CDK15: variants seen among roughly 807,000 people sequenced by gnomAD.
CDK15 encodes cyclin-dependent kinase 15.
In CDK15, 62 loss-of-function variants were observed where a neutral mutation model predicts 60.3. The observed-to-expected ratio is 1.03, with a 90% confidence interval of 0.84 to 1.27. The LOEUF is 1.27. Among genes scored for constraint, CDK15 ranks in the 50% most tolerant of loss-of-function variants. The pLI is 0.00. For synonymous variants in CDK15, 194 were observed against 195.7 expected, an observed-to-expected ratio of 0.99 and a Z score of 0.07; for missense variants, 541 against 527.8, an observed-to-expected ratio of 1.03 and a Z score of -0.25.
chr2:201,837,321 G>GAGAA (rs1553524457), intron 8 of CDK15, among the ~76,000 whole-genome samples: 2 of 140,092 alleles, frequency 1.4e-5, no homozygotes, highest in African/African-American at 2.6e-5. Flanking sequence ...GAGAGAGAGA[G>GAGAA]AGAAAGAAAG....
intron 10 of CDK15, chr2:201,861,551 G>GTTTTTTTTTTTTGTTTTTTTTTT (rs1698392290): frequency 1.6e-6 from 1 of 627,234 alleles, no homozygotes; most frequent in African/African-American, 2.5e-5. Context: ...TTGTTGGTTT[G>GTTTTTTTTTTTTGTTTTTTTTTT]TTTTTTTTTT....
chr2:201,879,917 C>T, intron 11 of CDK15, 111 bp from the exon 12 acceptor site: 1 of 1,387,336 alleles, frequency 7.2e-7, no homozygotes, highest in Non-Finnish European at 9.6e-7. Flanking sequence ...GAAAATTCTA[C>T]TTAAAATCTA....
intron 10 of CDK15, among the ~76,000 whole-genome samples, chr2:201,870,067 G>C (rs1698797195): frequency 6.6e-6 from 1 of 152,208 alleles, no homozygotes; most frequent in African/African-American, 2.4e-5. Flanking sequence ...GATTGCGCCT[G>C]ACCTTGAAAA....
chr2:201,874,392 T>C (rs1274823741), intron 11 of CDK15, among the ~76,000 whole-genome samples: 1 of 152,214 alleles, frequency 6.6e-6, no homozygotes, highest in African/African-American at 2.4e-5. Flanking sequence ...ATGGGATATA[T>C]ACTATGTACC....
Position 201,807,511 on chromosome 2 carries a change from A to G in CDK15, c.141A>G (p.Glu47=), listed in dbSNP as rs1695564689. Residue 47 remains glutamate (E), a synonymous_variant, in exon 2 of 14, where the codon GAA becomes GAG. Transcript: ENST00000652192. ...EAAFKLTDLK[E]ASCSMTSFHP... is the part of the protein sequence containing the mutation. ...TTCTCTAGCTAACAGACCTAAAAGAAGCATCATGTTCCATGACTTCATTTC... is the reference window on the plus strand; with the variant it reads ...TTCTCTAGCTAACAGACCTAAAAGAGGCATCATGTTCCATGACTTCATTTC... 6.2e-7 allele frequency: 1 copy of G among 1,613,956 alleles called. No individual in the cohort carries two copies.
chr2:201,872,689 T>C (rs1040286017), intron 11 of CDK15, among the ~76,000 whole-genome samples: 1 of 149,042 alleles, frequency 6.7e-6, no homozygotes, highest in African/African-American at 2.5e-5. Flanking sequence ...ACTTGATTCA[T>C]GGGGGTCATG....
At chr2:201,865,889 CAACAA>C (rs1698607145) in intron 10 of CDK15, among the ~76,000 whole-genome samples, 2 of 24,804 alleles carry the variant, frequency 8.1e-5, no homozygotes, top group African/African-American at 2.6e-4. Context: ...GATTCCATCT[CAACAA>C]AAAAAAAAAA....
At chr2:201,818,142 C>A (rs1258456180) in intron 4 of CDK15, among the ~76,000 whole-genome samples, 2 of 152,032 alleles carry the variant, frequency 1.3e-5, no homozygotes, top group Non-Finnish European at 2.9e-5. Flanking sequence ...ACTTATTGAG[C>A]ACCACATGCC....
rs375518596 is a variant in CDK15 at position 201,806,795 on chromosome 2, T to C, written c.123+8T>C. 7.3e-5 allele frequency: 117 copies of C among 1,598,164 alleles called. No homozygotes were observed. Among genetic ancestry groups the C allele is most frequent in the Admixed American group, 2.5e-4 (15 of 59,988 alleles). On this transcript the variant is annotated splice_region_variant and intron_variant, in intron 1 of 13. Transcript: ENST00000652192. ...ACGGAGGCTGCGTTCAAGGTATTTG[T>C]ATCCCAGGAGAGAGCATCTTTCTCT...
intron 9 of CDK15, among the ~76,000 whole-genome samples, chr2:201,854,605 G>A (rs1698061231): frequency 6.6e-6 from 1 of 152,194 alleles, no homozygotes; most frequent in Admixed American, 6.5e-5. Flanking sequence ...ATGACTTTGA[G>A]CAAGGCTGTA....
intron 10 of CDK15, among the ~76,000 whole-genome samples, chr2:201,863,035 A>C (rs1483439037): frequency 6.6e-6 from 1 of 152,178 alleles, no homozygotes; most frequent in East Asian, 1.9e-4. Flanking sequence ...GCGTTCACTG[A>C]ATCTATGAAC....
intron 10 of CDK15, chr2:201,861,647 G>A (rs1240839209): frequency 1.9e-5 from 10 of 515,528 alleles, no homozygotes; most frequent in African/African-American, 4.5e-5. Context: ...CGCAGCCTCC[G>A]CCTCCTGGGT....
chr2:201,872,771 C>A (rs1314688848), intron 11 of CDK15, among the ~76,000 whole-genome samples: 1 of 152,160 alleles, frequency 6.6e-6, no homozygotes, highest in East Asian at 1.9e-4. Flanking sequence ...TTCAACAAAT[C>A]CCTAGTTTCT....
chr2:201,816,932 G>T (rs1696021939), intron 4 of CDK15, among the ~76,000 whole-genome samples: 1 of 152,136 alleles, frequency 6.6e-6, no homozygotes, highest in Non-Finnish European at 1.5e-5. Context: ...TGCATAAACT[G>T]CCCCTTAATT....
chr2:201,817,285 C>A (rs1178401546), intron 4 of CDK15, among the ~76,000 whole-genome samples: 1 of 152,228 alleles, frequency 6.6e-6, no homozygotes, highest in East Asian at 1.9e-4. Flanking sequence ...AGCTTACCAG[C>A]ATCCATTAAC....
intron 12 of CDK15, among the ~76,000 whole-genome samples, chr2:201,884,394 C>T (rs992527914): frequency 6.6e-6 from 1 of 152,192 alleles, no homozygotes; most frequent in African/African-American, 2.4e-5. Context: ...TTAGAGTATA[C>T]TTATATACAC....
intron 4 of CDK15, among the ~76,000 whole-genome samples, chr2:201,818,316 C>G (rs1168247559): frequency 6.6e-6 from 1 of 152,154 alleles, no homozygotes; most frequent in Non-Finnish European, 1.5e-5. Context: ...AAAGACATCC[C>G]TATTTACTTT....
chr2:201,870,787 AT>A (rs1469937890), intron 10 of CDK15, among the ~76,000 whole-genome samples: 1 of 152,198 alleles, frequency 6.6e-6, no homozygotes, highest in African/African-American at 2.4e-5. Flanking sequence ...CAGAAATACC[AT>A]TTTGAATGAG....
chr2:201,816,458 T>G (rs999734108), intron 4 of CDK15, among the ~76,000 whole-genome samples: 11 of 14,672 alleles, frequency 7.5e-4, no homozygotes, highest in African/African-American at 1.3e-3. Flanking sequence ...GGAAATGGTT[T>G]TTTTTTTTTT....
Sources: gnomAD v4.1 joint callset for allele counts (sites outside exome capture counted in the v4.1 genomes callset) on GRCh38, gnomAD v4.1.1 for gene constraint, MANE v1.5 for transcripts, NCBI Gene and HGNC (gene_info 2026-07-23, HGNC 2026-07-21) for gene names.